The following ZFHX3 variants were observed in gnomAD, a reference collection of about 807,000 sequenced individuals.
The protein encoded by ZFHX3 is zinc finger homeobox 3.
ZFHX3 carries 42 observed loss-of-function variants against 279.1 expected under a neutral mutation model. The observed-to-expected ratio is 0.15, with a 90% CI of 0.12 to 0.19. The LOEUF (loss-of-function observed/expected upper bound fraction) is 0.19, where lower values mean the gene tolerates loss of function less well. Among genes scored for constraint, ZFHX3 ranks in the 10% least tolerant of loss-of-function variants. The pLI is 1.00. For synonymous variants in ZFHX3, 2,293 were observed against 1,957.8 expected (o/e 1.17, Z -4.52); for missense variants, 4,981 against 4,754.0 (o/e 1.05, Z -1.40).
intron 5 of ZFHX3, among the ~76,000 whole-genome samples, chr16:73,152,730 A>AAG (rs1732965961): frequency 6.7e-6 from 1 of 149,876 alleles, no homozygotes; most frequent in Admixed American, 6.7e-5. Context: ...GGAAAATGAA[A>AAG]AGAGAGAGAG....
At chr16:73,621,539 G>A (rs971898655) in intron 2 of ZFHX3, among the ~76,000 whole-genome samples, 1 of 152,130 alleles carries the variant, frequency 6.6e-6, no homozygotes, top group Non-Finnish European at 1.5e-5. Context: ...GAGGAAGGAA[G>A]GGAAAGGCCT....
chr16:72,889,642 G>A (rs1028376372), intron 4 of ZFHX3, 89 bp downstream of exon 4: 71 of 1,255,962 alleles, frequency 5.7e-5, no homozygotes, highest in African/African-American at 7.5e-5. Flanking sequence ...GATCAGTAAC[G>A]TCTCCCTCAA....
intron 3 of ZFHX3, among the ~76,000 whole-genome samples, chr16:72,925,351 A>G (rs928511914): frequency 6.6e-6 from 1 of 152,184 alleles, no homozygotes; most frequent in Admixed American, 6.5e-5. Flanking sequence ...GCTAGCTTAT[A>G]CTTTTTAAAC....
intron 2 of ZFHX3, among the ~76,000 whole-genome samples, chr16:73,495,074 G>T (rs1300348594): frequency 1.3e-5 from 2 of 152,296 alleles, no homozygotes; most frequent in East Asian, 3.9e-4. Context: ...TCTGCATATT[G>T]GCTGTATCTC....
chr16:73,174,941 A>G (rs922245877), intron 5 of ZFHX3, among the ~76,000 whole-genome samples: 11 of 151,572 alleles, frequency 7.3e-5, no homozygotes, highest in African/African-American at 2.7e-4. Context: ...GGCAGGAGAA[A>G]CGCTTGAACC....
At chr16:72,991,803 T>C (rs1351879848) in intron 1 of ZFHX3, among the ~76,000 whole-genome samples, 1 of 152,124 alleles carries the variant, frequency 6.6e-6, no homozygotes, top group East Asian at 1.9e-4. Flanking sequence ...CACGCAACAC[T>C]GGCCAGGGGC....
intron 3 of ZFHX3, among the ~76,000 whole-genome samples, chr16:72,916,373 G>C (rs1013180190): frequency 2.0e-5 from 3 of 152,212 alleles, no homozygotes; most frequent in Non-Finnish European, 4.4e-5. Flanking sequence ...TGTTGGCCCA[G>C]AGAATGCTGA....
At chr16:73,276,569 T>C (rs1340647960) in intron 4 of ZFHX3, among the ~76,000 whole-genome samples, 2 of 152,246 alleles carry the variant, frequency 1.3e-5, no homozygotes, top group Admixed American at 1.3e-4. Flanking sequence ...AAAAAAATTA[T>C]ACTCTTCCAT....
chr16:73,311,049 A>T (rs1025322866), intron 4 of ZFHX3, among the ~76,000 whole-genome samples: 1 of 151,792 alleles, frequency 6.6e-6, no homozygotes, highest in Non-Finnish European at 1.5e-5. Context: ...CCAGGCCAAC[A>T]TGGTGAGACC....
chr16:73,358,228 C>A (rs1261315313), intron 3 of ZFHX3, among the ~76,000 whole-genome samples: 1 of 152,254 alleles, frequency 6.6e-6, no homozygotes, highest in Non-Finnish European at 1.5e-5. Context: ...TTGCAGTCCC[C>A]TCCCCTCGAG....
intron 3 of ZFHX3, among the ~76,000 whole-genome samples, chr16:73,409,295 A>G (rs1441987790): frequency 2.0e-5 from 3 of 152,192 alleles, no homozygotes; most frequent in Non-Finnish European, 2.9e-5. Context: ...CTGAGTCCTC[A>G]ACCCTGGGTG....
chr16:73,588,416 G>T (rs1265941067), intron 2 of ZFHX3, among the ~76,000 whole-genome samples: 1 of 151,854 alleles, frequency 6.6e-6, no homozygotes, highest in African/African-American at 2.4e-5. Flanking sequence ...GCCGGTCGCG[G>T]TGGCTCACGC....
intron 5 of ZFHX3, among the ~76,000 whole-genome samples, chr16:73,241,790 C>CAAAAAAAAAAAAAAAAAAA (rs60214410): frequency 7.8e-5 from 4 of 51,282 alleles, no homozygotes; most frequent in African/African-American, 3.4e-4. Context: ...AACTCCGTCT[C>CAAAAAAAAAAAAAAAAAAA]AAAAAAAAAA....
chr16:73,668,986 A>G (rs1200928510), intron 2 of ZFHX3, among the ~76,000 whole-genome samples: 4 of 151,974 alleles, frequency 2.6e-5, no homozygotes, highest in Non-Finnish European at 4.4e-5. Context: ...TGTGGAAGAC[A>G]GTGTGATCTT....
At chr16:72,864,974 T>C (rs982333630) in intron 4 of ZFHX3, among the ~76,000 whole-genome samples, 1 of 152,200 alleles carries the variant, frequency 6.6e-6, no homozygotes, top group Non-Finnish European at 1.5e-5. Flanking sequence ...CCAGCCAGGA[T>C]AGCCCAAATG....
intron 3 of ZFHX3, among the ~76,000 whole-genome samples, chr16:73,443,630 C>T (rs2018134058): frequency 1.3e-5 from 2 of 152,204 alleles, no homozygotes; most frequent in Non-Finnish European, 2.9e-5. Flanking sequence ...CTTTCCCATT[C>T]CCTGCAAATC....
At chr16:73,455,588 A>G (rs960900711) in intron 3 of ZFHX3, among the ~76,000 whole-genome samples, 1 of 152,188 alleles carries the variant, frequency 6.6e-6, no homozygotes, top group Non-Finnish European at 1.5e-5. Flanking sequence ...CTTTCTAACA[A>G]GCTCCAACCC....
chr16:73,443,908 C>A (rs1032765184), intron 3 of ZFHX3, among the ~76,000 whole-genome samples: 1 of 151,952 alleles, frequency 6.6e-6, no homozygotes, highest in Non-Finnish European at 1.5e-5. Context: ...GTGTGTGCCA[C>A]CATGCCCAGC....
chr16:73,588,715 A>AC (rs991984609), intron 2 of ZFHX3, among the ~76,000 whole-genome samples: 10 of 151,586 alleles, frequency 6.6e-5, no homozygotes, highest in African/African-American at 2.4e-4. Context: ...AACAAAAAAA[A>AC]AAAAAACAAG....
Sources: gnomAD v4.1 joint callset for allele counts (sites outside exome capture counted in the v4.1 genomes callset) on GRCh38, gnomAD v4.1.1 for gene constraint, MANE v1.5 for transcripts, NCBI Gene and HGNC (gene_info 2026-07-23, HGNC 2026-07-21) for gene names.